Variants in GABRB2 observed in about 807,000 individuals in gnomAD.
The protein encoded by GABRB2 is gamma-aminobutyric acid receptor subunit beta-2.
A neutral mutation model predicts 54.7 loss-of-function variants in GABRB2; 16 were observed. The ratio of observed to expected loss-of-function variants is 0.29; its 90% confidence interval spans 0.20 to 0.44. The LOEUF is 0.44. Ranked by LOEUF, GABRB2 falls within the 20% of genes least tolerant of loss-of-function variation. The pLI is 1.00. For synonymous variants in GABRB2, 244 were observed against 233.8 expected (o/e 1.04, Z -0.40); for missense variants, 355 against 644.0 (o/e 0.55, Z 4.86).
chr5:161,399,376 C>T (rs766079633), intron 5 of GABRB2, among the ~76,000 whole-genome samples: 5 of 152,088 alleles, frequency 3.3e-5, no homozygotes, highest in Middle Eastern at 3.4e-3. Flanking sequence ...ATCCAGACTC[C>T]GCCAGTCAGA....
intron 3 of GABRB2, among the ~76,000 whole-genome samples, chr5:161,544,766 A>G (rs145410592): frequency 1.3e-5 from 2 of 152,272 alleles, no homozygotes; most frequent in East Asian, 3.9e-4. Context: ...CATTAACAGT[A>G]AACAGTGATC....
intron 8 of GABRB2, chr5:161,329,707 G>A (rs1157648023): frequency 6.6e-6 from 1 of 152,120 alleles, no homozygotes; most frequent in Non-Finnish European, 1.5e-5. Flanking sequence ...AATTCCAAAT[G>A]GTTTAAGAGG....
At chr5:161,405,462 A>G (rs1483223304) in intron 5 of GABRB2, among the ~76,000 whole-genome samples, 1 of 152,098 alleles carries the variant, frequency 6.6e-6, no homozygotes, top group East Asian at 1.9e-4. Context: ...ACAATATTGT[A>G]CAAATGAGAA....
chr5:161,456,520 G>A (rs182546739), intron 4 of GABRB2, among the ~76,000 whole-genome samples: 42 of 151,924 alleles, frequency 2.8e-4, no homozygotes, highest in Non-Finnish European at 4.6e-4. Flanking sequence ...TTTCCATCTT[G>A]CCAGTACATA....
chr5:161,360,098 A>G (rs1223876603), intron 5 of GABRB2, among the ~76,000 whole-genome samples: 1 of 151,612 alleles, frequency 6.6e-6, no homozygotes. Context: ...AAAAAATTGT[A>G]AAAAGATTAT....
chr5:161,535,186 TA>T (rs908474376), intron 3 of GABRB2, among the ~76,000 whole-genome samples: 6 of 152,196 alleles, frequency 3.9e-5, no homozygotes, highest in African/African-American at 1.4e-4. Context: ...ATGTTTTATA[TA>T]AATCTTTCTT....
chr5:161,353,866 A>T (rs1754541861), intron 5 of GABRB2, among the ~76,000 whole-genome samples: 1 of 152,036 alleles, frequency 6.6e-6, no homozygotes, highest in African/African-American at 2.4e-5. Context: ...TTATTTCTTT[A>T]GTCCCCAAGG....
chr5:161,542,540 C>T (rs1338340586), intron 3 of GABRB2, among the ~76,000 whole-genome samples: 6 of 152,138 alleles, frequency 3.9e-5, no homozygotes, highest in Admixed American at 2.0e-4. Flanking sequence ...AAGTAGAACT[C>T]GCATCTGAGA....
chr5:161,464,187 T>C (rs1057122476), intron 3 of GABRB2, among the ~76,000 whole-genome samples: 1 of 152,040 alleles, frequency 6.6e-6, no homozygotes, highest in Non-Finnish European at 1.5e-5. Flanking sequence ...AAGAACATAT[T>C]TGCAAATCAC....
chr5:161,472,635 A>G (rs1758477079), intron 3 of GABRB2, among the ~76,000 whole-genome samples: 1 of 152,006 alleles, frequency 6.6e-6, no homozygotes, highest in Non-Finnish European at 1.5e-5. Context: ...AAAGGTAATT[A>G]CATAAACTTT....
intron 3 of GABRB2, among the ~76,000 whole-genome samples, chr5:161,486,846 C>G (rs1370395613): frequency 2.0e-5 from 3 of 151,892 alleles, no homozygotes. Flanking sequence ...GATGAACTAC[C>G]TCAGACAAAG....
intron 4 of GABRB2, among the ~76,000 whole-genome samples, chr5:161,426,957 T>A (rs1205015631): frequency 6.6e-6 from 1 of 152,150 alleles, no homozygotes; most frequent in East Asian, 1.9e-4. Flanking sequence ...GGAATAGGGT[T>A]GAAAGAATGA....
chr5:161,378,895 G>A (rs1561629058), intron 5 of GABRB2, among the ~76,000 whole-genome samples: 1 of 152,168 alleles, frequency 6.6e-6, no homozygotes. Context: ...GGCAACATAT[G>A]TTGCAAAGGA....
intron 9 of GABRB2, among the ~76,000 whole-genome samples, chr5:161,299,200 G>C (rs115200155): frequency 6.6e-6 from 1 of 152,288 alleles, no homozygotes; most frequent in African/African-American, 2.4e-5. Flanking sequence ...TCTGTGCTTT[G>C]CCTGTTCATC....
At chr5:161,435,443 T>C (rs1001888910) in intron 4 of GABRB2, among the ~76,000 whole-genome samples, 2 of 152,142 alleles carry the variant, frequency 1.3e-5, no homozygotes, top group African/African-American at 4.8e-5. Context: ...TCAAAGAATA[T>C]AGAAGGAAAT....
intron 3 of GABRB2, among the ~76,000 whole-genome samples, chr5:161,514,016 A>G (rs1228587145): frequency 2.6e-5 from 4 of 152,088 alleles, no homozygotes; most frequent in African/African-American, 9.7e-5. Flanking sequence ...GCCACATTTC[A>G]TTTGAAGCAA....
At chr5:161,428,150 C>T (rs1475920243) in intron 4 of GABRB2, among the ~76,000 whole-genome samples, 1 of 152,114 alleles carries the variant, frequency 6.6e-6, no homozygotes, top group Non-Finnish European at 1.5e-5. Flanking sequence ...AGGCTAGTGG[C>T]TCCTAAATCC....
Position 161,410,988 on chromosome 5 carries a change from C to T in GABRB2, c.528G>A (p.Leu176=), listed in dbSNP as rs1459824760. The T allele has an allele frequency of 6.2e-7, 1 of 1,613,192 alleles. No homozygotes were observed. The highest frequency in any genetic ancestry group is 1.7e-5 in the Admixed American group (1 of 59,992). Residue 176 remains leucine (L), a synonymous_variant, in exon 5 of 10, where the codon TTG becomes TTA. Coordinates refer to ENST00000393959, the MANE Select transcript of GABRB2 (RefSeq NM_001371727.1). ...RYPLDEQNCT[L]EIESYGYTTD... The stretch of plus-strand genomic sequence containing the variant: ...AGAACGACTTACAGCTCTCAATTTC[C>T]AAGGTGCAGTTTTGTTCATCCAGTG...
chr5:161,353,297 TA>T (rs1044037562), intron 5 of GABRB2, among the ~76,000 whole-genome samples: 56 of 152,074 alleles, frequency 3.7e-4, no homozygotes, highest in African/African-American at 1.3e-3. Flanking sequence ...CTAAGCACAT[TA>T]AAAATATCTG....
Sources: allele counts gnomAD v4.1 joint callset (sites outside exome capture counted in the v4.1 genomes callset), GRCh38; gene constraint gnomAD v4.1.1; transcripts MANE v1.5; gene names NCBI Gene and HGNC (gene_info 2026-07-23, HGNC 2026-07-21).